Variants in FER observed in about 807,000 individuals in gnomAD.
FER encodes tyrosine-protein kinase Fer.
A neutral mutation model predicts 111.0 loss-of-function variants in FER; 63 were observed. The observed-to-expected ratio is 0.57, with a 90% CI of 0.46 to 0.70. FER has a LOEUF of 0.70. Among genes scored for constraint, FER ranks in the 30% least tolerant of loss-of-function variants. The pLI, the probability that FER is intolerant of heterozygous loss-of-function variation, is 0.00. For synonymous variants in FER, 327 were observed against 313.9 expected, an observed-to-expected ratio of 1.04 and a Z score of -0.44; for missense variants, 914 against 954.0, an observed-to-expected ratio of 0.96 and a Z score of 0.55.
In FER at chr5:108,798,110, G is replaced by C. The variant is rs559236046; in HGVS notation, c.-59-14G>C. On this transcript the variant is annotated splice_polypyrimidine_tract_variant and intron_variant, in intron 2 of 19. Transcript: ENST00000281092. ...TTTTATTTAAGAGTTTTTCTCTTTT[G>C]TTTACATACACAGATATGTGCTGAT... 4.2e-5 allele frequency: 37 copies of C among 888,182 alleles called. No homozygotes were observed. In the East Asian group the frequency reaches 9.6e-4, roughly 23 times the overall value. 55.0% of individuals were successfully genotyped at this position (888,182 alleles called of 1,614,324 possible).
intron 2 of FER, among the ~76,000 whole-genome samples, chr5:108,776,813 C>T (rs1285513468): frequency 6.6e-6 from 1 of 152,076 alleles, no homozygotes; most frequent in African/African-American, 2.4e-5. Flanking sequence ...AATTAAATAA[C>T]ATTAAACAAG....
At chr5:108,789,891 C>G (rs1265365011) in intron 2 of FER, among the ~76,000 whole-genome samples, 1 of 152,102 alleles carries the variant, frequency 6.6e-6, no homozygotes, top group Non-Finnish European at 1.5e-5. Context: ...GTGTGAGCCA[C>G]CACACCTGGC....
intron 17 of FER, among the ~76,000 whole-genome samples, chr5:109,109,486 T>C (rs1749340716): frequency 6.6e-6 from 1 of 152,124 alleles, no homozygotes; most frequent in South Asian, 2.1e-4. Context: ...CATCAAAAAT[T>C]TGTTGAATGA....
intron 11 of FER, among the ~76,000 whole-genome samples, chr5:108,949,102 C>T (rs1302996658): frequency 2.0e-5 from 3 of 151,948 alleles, no homozygotes; most frequent in African/African-American, 4.8e-5. Context: ...GATTTGCTTG[C>T]TTGCTTGCTT....
intron 2 of FER, among the ~76,000 whole-genome samples, chr5:108,776,846 G>A (rs1753551467): frequency 6.6e-6 from 1 of 151,936 alleles, no homozygotes; most frequent in African/African-American, 2.4e-5. Flanking sequence ...AAATCTAAAT[G>A]GTCAATACTT....
intron 16 of FER, among the ~76,000 whole-genome samples, chr5:109,070,647 G>T (rs1581898202): frequency 6.6e-6 from 1 of 152,060 alleles, no homozygotes; most frequent in African/African-American, 2.4e-5. Context: ...TTAACTCTTG[G>T]CTCTAGTCAG....
At chr5:108,757,811 G>A (rs888044262) in intron 1 of FER, among the ~76,000 whole-genome samples, 6 of 152,160 alleles carry the variant, frequency 3.9e-5, no homozygotes, top group Admixed American at 2.6e-4. Flanking sequence ...TAACTTCTGG[G>A]ATAATAGGGG....
chr5:108,946,804 G>GTTCTTC (rs10633136), intron 11 of FER, among the ~76,000 whole-genome samples: 7,091 of 151,874 alleles, frequency 0.047, 265 homozygotes, highest in South Asian at 0.11. Flanking sequence ...TAAAGCATTA[G>GTTCTTC]TTCTATTTAC....
At chr5:108,766,521 A>G (rs536576376) in intron 1 of FER, among the ~76,000 whole-genome samples, 100 of 152,322 alleles carry the variant, frequency 6.6e-4, no homozygotes, top group African/African-American at 2.3e-3. Flanking sequence ...TAGATTTCCA[A>G]CCAATTCTAG....
At chr5:109,145,381 G>A (rs1753973920) in intron 17 of FER, among the ~76,000 whole-genome samples, 1 of 151,658 alleles carries the variant, frequency 6.6e-6, no homozygotes, top group Admixed American at 6.6e-5. Flanking sequence ...ACATGAGGAA[G>A]GAAAAGGATG....
intron 16 of FER, among the ~76,000 whole-genome samples, chr5:109,047,431 T>C (rs1376305861): frequency 6.6e-6 from 1 of 152,194 alleles, no homozygotes; most frequent in African/African-American, 2.4e-5. Context: ...TATTAGAATA[T>C]AGTTACACAT....
chr5:108,869,051 A>T (rs1471730799), intron 6 of FER, among the ~76,000 whole-genome samples: 1 of 152,134 alleles, frequency 6.6e-6, no homozygotes, highest in Middle Eastern at 3.2e-3. Context: ...GGATATGAAT[A>T]ACTCCCATAA....
intron 10 of FER, among the ~76,000 whole-genome samples, chr5:108,913,031 A>C (rs1195545399): frequency 6.6e-6 from 1 of 152,214 alleles, no homozygotes; most frequent in Non-Finnish European, 1.5e-5. Flanking sequence ...TGAGCTGGAA[A>C]GAAAATAATC....
chr5:108,842,032 T>C (rs1761322883), intron 5 of FER, among the ~76,000 whole-genome samples: 2 of 152,246 alleles, frequency 1.3e-5, no homozygotes, highest in Non-Finnish European at 1.5e-5. Context: ...ATTATAGCTT[T>C]GATAATGAAA....
intron 16 of FER, among the ~76,000 whole-genome samples, chr5:109,058,806 C>T (rs1340595830): frequency 7.4e-6 from 1 of 135,928 alleles, no homozygotes; most frequent in East Asian, 2.4e-4. Context: ...GATCTCAGCT[C>T]ACTGCAACCT....
chr5:108,969,497 G>C (rs1322871665), intron 13 of FER, among the ~76,000 whole-genome samples: 3 of 152,026 alleles, frequency 2.0e-5, no homozygotes, highest in African/African-American at 4.8e-5. Context: ...ATGTGATAAA[G>C]AAACTTAAAA....
chr5:108,886,470 C>CATAT lies in FER; in HGVS notation c.1046+2961_1046+2964dup, dbSNP rs139565916. ...CATATATGTAACATACATAAATGTA[C>CATAT]ATATATATATATGTTAACTCATTGA... On this transcript the variant is annotated intron_variant, in intron 9 of 19. Coordinates refer to ENST00000281092, the MANE Select transcript of FER (RefSeq NM_005246.4). Among the ~76,000 whole-genome samples, 4 of 148,862 alleles carry CATAT rather than the reference C, an allele frequency of 2.7e-5. No individual in the cohort carries two copies. The East Asian group carries it at 7.8e-4, about 29-fold the overall frequency.
intron 2 of FER, among the ~76,000 whole-genome samples, chr5:108,780,494 C>T (rs1753943724): frequency 6.6e-6 from 1 of 151,390 alleles, no homozygotes; most frequent in Non-Finnish European, 1.5e-5. Flanking sequence ...TCTCTTTGCT[C>T]TTTGATAGGT....
At chr5:109,015,662 C>T in intron 13 of FER, among the ~76,000 whole-genome samples, 1 of 151,836 alleles carries the variant, frequency 6.6e-6, no homozygotes, top group Non-Finnish European at 1.5e-5. Flanking sequence ...CATCATGCCT[C>T]GGGGAAGCAG....
Sources: allele counts gnomAD v4.1 joint callset (sites outside exome capture counted in the v4.1 genomes callset), GRCh38; gene constraint gnomAD v4.1.1; transcripts MANE v1.5; gene names NCBI Gene and HGNC (gene_info 2026-07-23, HGNC 2026-07-21).